Variants in ZRANB3 observed in about 807,000 individuals in gnomAD.
ZRANB3 encodes the protein zinc finger RANBP2-type containing 3.
In ZRANB3, 125 loss-of-function variants were observed where a neutral mutation model predicts 133.8. That is an observed-to-expected ratio of 0.93 (90% CI 0.81 to 1.08). ZRANB3 has a LOEUF of 1.08. ZRANB3 is among the 50% of genes least tolerant of loss of function. ZRANB3 has a pLI of 0.00. For missense variants in ZRANB3, 1,229 were observed against 1,275.5 expected (o/e 0.96, Z 0.56); for synonymous variants, 387 against 432.7 (o/e 0.89, Z 1.31).
At chr2:135,205,162 C>T (rs1693806828) in intron 19 of ZRANB3, among the ~76,000 whole-genome samples, 1 of 152,146 alleles carries the variant, frequency 6.6e-6, no homozygotes, top group South Asian at 2.1e-4. Context: ...GCAACACTGT[C>T]CTAGGTAAAT....
intron 2 of ZRANB3, among the ~76,000 whole-genome samples, chr2:135,404,808 A>G (rs1004214734): frequency 2.0e-5 from 3 of 152,190 alleles, no homozygotes. Context: ...CAACATTCTT[A>G]AAGAAAAGAA....
chr2:135,217,512 A>C lies in ZRANB3; in HGVS notation c.2448T>G (p.Ala816=). 6.2e-7 allele frequency: 1 copy of C among 1,613,578 alleles called. No homozygotes were observed. Among genetic ancestry groups the C allele is most frequent in the Non-Finnish European group, 8.5e-7 (1 of 1,179,750 alleles). ...TTTGTTGCTTTGTGATCTCTTCCAA[A>C]GCAAGAATTGGGCTACAGAATAGCT... ...SGQLFCSPIL[A]LEEITKQQTK... Residue 816 remains alanine (A), a synonymous_variant, in exon 17 of 21, where the codon GCT becomes GCG. Coordinates refer to ENST00000264159, the MANE Select transcript of ZRANB3 (RefSeq NM_032143.4).
intron 8 of ZRANB3, among the ~76,000 whole-genome samples, chr2:135,283,984 TA>T (rs954797798): frequency 3.3e-5 from 5 of 151,798 alleles, no homozygotes; most frequent in African/African-American, 7.3e-5. Context: ...CCCTGACCCT[TA>T]AAAAAAATCA....
intron 8 of ZRANB3, among the ~76,000 whole-genome samples, chr2:135,300,903 T>C (rs1682394445): frequency 6.6e-6 from 1 of 152,226 alleles, no homozygotes; most frequent in Admixed American, 6.5e-5. Flanking sequence ...CCACTGTACC[T>C]GACTGCTAAG....
At chr2:135,248,947 C>G (rs1251542515) in intron 12 of ZRANB3, among the ~76,000 whole-genome samples, 1 of 152,106 alleles carries the variant, frequency 6.6e-6, no homozygotes, top group African/African-American at 2.4e-5. Flanking sequence ...AGGAAATGAA[C>G]AGACACTTCT....
At chr2:135,487,557 T>C (rs1210428681) in intron 2 of ZRANB3, among the ~76,000 whole-genome samples, 1 of 152,240 alleles carries the variant, frequency 6.6e-6, no homozygotes, top group African/African-American at 2.4e-5. Flanking sequence ...TGATCTTAGC[T>C]AGATCTTCTG....
chr2:135,246,016 C>CTT (rs1695780975), intron 12 of ZRANB3, among the ~76,000 whole-genome samples: 1 of 128,408 alleles, frequency 7.8e-6, no homozygotes, highest in South Asian at 2.9e-4. Flanking sequence ...CATTTCTTTT[C>CTT]TTTTCTTTTC....
At chr2:135,459,933 T>A (rs1310148755) in intron 2 of ZRANB3, among the ~76,000 whole-genome samples, 1 of 149,240 alleles carries the variant, frequency 6.7e-6, no homozygotes, top group Non-Finnish European at 1.5e-5. Flanking sequence ...AAAACTCTGG[T>A]TCTGAAGTAT....
At chr2:135,276,617 GA>G (rs1187228564) in intron 8 of ZRANB3, among the ~76,000 whole-genome samples, 2 of 152,118 alleles carry the variant, frequency 1.3e-5, no homozygotes, top group Non-Finnish European at 2.9e-5. Context: ...AGAAATTGTG[GA>G]AAAAGATACC....
chr2:135,463,396 A>G (rs1690844573), intron 2 of ZRANB3, among the ~76,000 whole-genome samples: 1 of 151,956 alleles, frequency 6.6e-6, no homozygotes, highest in East Asian at 1.9e-4. Flanking sequence ...CAATATTCCT[A>G]TCTTTCCATA....
At chr2:135,227,223 T>A (rs1694788964) in intron 14 of ZRANB3, among the ~76,000 whole-genome samples, 1 of 152,174 alleles carries the variant, frequency 6.6e-6, no homozygotes, top group Admixed American at 6.5e-5. Flanking sequence ...AAATATGACA[T>A]ACAGGCTAGT....
chr2:135,388,568 TG>T (rs1458669605), intron 3 of ZRANB3, among the ~76,000 whole-genome samples: 6 of 152,158 alleles, frequency 3.9e-5, no homozygotes, highest in African/African-American at 1.4e-4. Flanking sequence ...CTGGTCTGTT[TG>T]GAAAAGAATT....
At chr2:135,347,303 T>TTTC (rs1186990442) in intron 5 of ZRANB3, among the ~76,000 whole-genome samples, 121 of 151,462 alleles carry the variant, frequency 8.0e-4, no homozygotes, top group African/African-American at 2.8e-3. Context: ...TCTTTTTTTT[T>TTTC]TTTTTTTGAG....
In ZRANB3 at chr2:135,230,971, AT is replaced by A. The variant is rs754525779; in HGVS notation, c.1540-45del. On this transcript the variant is annotated intron_variant, in intron 12 of 20. Coordinates refer to ENST00000264159, the MANE Select transcript of ZRANB3 (RefSeq NM_032143.4). ...AGTTATCAAAGTAAGAAGCAATCTA[AT>A]ATGTTCTTCTTACATAAAAGAGCTT... 5 of 1,490,130 alleles carry A rather than the reference AT, an allele frequency of 3.4e-6. No individual in the cohort carries two copies. The African/African-American group carries it at 7.0e-5, about 21-fold the overall frequency. The allele number at this position is 1,490,130 out of a possible 1,614,324, so 92.3% of individuals were successfully genotyped here. A position where few individuals can be genotyped will look rare whatever the true frequency, so the allele number is the denominator to read the frequency against.
rs1296990155 is a variant in ZRANB3 at position 135,475,668 on chromosome 2, A to G, written c.161+28661T>C. ...ACACAGATACTTTCCAGAAAGGCCA[A>G]GTTTTAAAGTTATTTCATTAGGTTA... On this transcript the variant is annotated intron_variant, in intron 2 of 20. Coordinates refer to ENST00000264159, the MANE Select transcript of ZRANB3 (RefSeq NM_032143.4). Among the ~76,000 whole-genome samples, 3 of 152,256 alleles carry G rather than the reference A, an allele frequency of 2.0e-5. No individual in the cohort carries two copies. In the East Asian group the frequency reaches 5.8e-4, roughly 29 times the overall value.
chr2:135,263,628 G>A (rs1324753891), intron 12 of ZRANB3, among the ~76,000 whole-genome samples: 4 of 151,992 alleles, frequency 2.6e-5, no homozygotes, highest in Admixed American at 6.6e-5. Context: ...CAGAAAGCAA[G>A]GAAGCACTCA....
At chr2:135,271,701 T>C (rs1174979938) in intron 10 of ZRANB3, 67 bp downstream of exon 10, 36 of 1,522,598 alleles carry the variant, frequency 2.4e-5, no homozygotes, top group Admixed American at 9.0e-5. Context: ...ACCAAAGTTA[T>C]AGTGAATGGC....
chr2:135,519,301 C>T (rs905085525), intron 1 of ZRANB3, among the ~76,000 whole-genome samples: 8 of 151,860 alleles, frequency 5.3e-5, no homozygotes, highest in East Asian at 1.9e-4. Flanking sequence ...TACAATTTCC[C>T]GTGAATTTAC....
At chr2:135,248,534 T>C (rs1695902754) in intron 12 of ZRANB3, among the ~76,000 whole-genome samples, 1 of 152,170 alleles carries the variant, frequency 6.6e-6, no homozygotes, top group South Asian at 2.1e-4. Context: ...AAACTATGCA[T>C]CTGACAAAGG....
Sources: gnomAD v4.1 joint callset for allele counts (sites outside exome capture counted in the v4.1 genomes callset) on GRCh38, gnomAD v4.1.1 for gene constraint, MANE v1.5 for transcripts, NCBI Gene and HGNC (gene_info 2026-07-23, HGNC 2026-07-21) for gene names.